SPIDR: variants seen among roughly 807,000 people sequenced by gnomAD.
The protein encoded by SPIDR is scaffold protein involved in DNA repair.
In SPIDR, 93 loss-of-function variants were observed where a neutral mutation model predicts 104.6. That is an observed-to-expected ratio of 0.89 (90% CI 0.75 to 1.06). The LOEUF is 1.06. Among genes scored for constraint, SPIDR ranks in the 50% least tolerant of loss-of-function variants. SPIDR has a pLI of 0.00. For synonymous variants in SPIDR, 431 were observed against 416.9 expected, an observed-to-expected ratio of 1.03 and a Z score of -0.41; for missense variants, 1,154 against 1,111.2, an observed-to-expected ratio of 1.04 and a Z score of -0.55.
At chr8:47,592,307 G>T in intron 8 of SPIDR, 1 of 1,099,630 alleles carries the variant, frequency 9.1e-7, no homozygotes, top group Non-Finnish European at 1.4e-6. Flanking sequence ...GTGCGGATCT[G>T]CAGTGCTGGG....
At chr8:47,277,187 C>T (rs2036608880) in intron 1 of SPIDR, 1 of 152,252 alleles carries the variant, frequency 6.6e-6, no homozygotes, top group African/African-American at 2.4e-5. Flanking sequence ...CTTGGCCTCC[C>T]AAAGTGCTGG....
intron 5 of SPIDR, among the ~76,000 whole-genome samples, chr8:47,391,563 G>A (rs1165953407): frequency 6.6e-6 from 1 of 151,834 alleles, no homozygotes; most frequent in Non-Finnish European, 1.5e-5. Context: ...AACAAACAAA[G>A]TAAATAATTA....
At chr8:47,674,248 T>C (rs1351590396) in intron 11 of SPIDR, among the ~76,000 whole-genome samples, 1 of 152,224 alleles carries the variant, frequency 6.6e-6, no homozygotes, top group Non-Finnish European at 1.5e-5. Flanking sequence ...ACTATAACAA[T>C]AAAGCATCTT....
intron 11 of SPIDR, among the ~76,000 whole-genome samples, chr8:47,675,366 G>A (rs2076293203): frequency 6.6e-6 from 1 of 152,132 alleles, no homozygotes; most frequent in Non-Finnish European, 1.5e-5. Flanking sequence ...ACTTCCTCTT[G>A]TTTGTAAACA....
chr8:47,328,411 CTAAT>C (rs2048069771), intron 5 of SPIDR, among the ~76,000 whole-genome samples: 2 of 150,678 alleles, frequency 1.3e-5, no homozygotes, highest in African/African-American at 4.9e-5. Context: ...CCAAGACTGG[CTAAT>C]TATTTTTTTT....
chr8:47,691,308 AAAGAG>A (rs1563557984), intron 11 of SPIDR, among the ~76,000 whole-genome samples: 7 of 151,174 alleles, frequency 4.6e-5, no homozygotes, highest in East Asian at 3.9e-4. Flanking sequence ...AAAAAAAAAA[AAAGAG>A]AGAAAAGAAA....
intron 8 of SPIDR, among the ~76,000 whole-genome samples, chr8:47,462,449 G>T (rs1564036999): frequency 6.6e-6 from 1 of 152,106 alleles, no homozygotes; most frequent in African/African-American, 2.4e-5. Context: ...GTCTGTCCGG[G>T]TGAGGGCTGC....
chr8:47,574,884 A>G (rs1022865120), intron 8 of SPIDR, among the ~76,000 whole-genome samples: 1 of 152,160 alleles, frequency 6.6e-6, no homozygotes, highest in Non-Finnish European at 1.5e-5. Flanking sequence ...AAAGTACACT[A>G]TTGGCTTTCT....
At chr8:47,264,748 A>G (rs2033509863) in intron 1 of SPIDR, among the ~76,000 whole-genome samples, 1 of 151,984 alleles carries the variant, frequency 6.6e-6, no homozygotes, top group East Asian at 1.9e-4. Flanking sequence ...GAATAGGGCA[A>G]TATACCTAAC....
At position 47,588,086 on chromosome 8, in the gene SPIDR, T is replaced by TATATATATAC. The variant is rs2060511904; in HGVS notation, c.1098-7724_1098-7723insTATATATACA. 6.0e-5 allele frequency among the ~76,000 whole-genome samples: 6 copies of TATATATATAC among 99,846 alleles called. 1 individual carries two copies. In the East Asian group the frequency reaches 9.7e-4, roughly 16 times the overall value. 65.5% of individuals were successfully genotyped at this position (99,846 alleles called of 152,430 possible). On this transcript the variant is annotated intron_variant, in intron 8 of 19. Transcript: ENST00000297423. ...ATATATATATATATATATATATATA[T>TATATATATAC]ACACGTATGTATCTGCAAACAAAAT...
chr8:47,508,703 T>C (rs1042526990), intron 8 of SPIDR, among the ~76,000 whole-genome samples: 1 of 136,716 alleles, frequency 7.3e-6, no homozygotes, highest in East Asian at 2.2e-4. Flanking sequence ...AGATCCCATC[T>C]GTAAACCCAG....
intron 5 of SPIDR, among the ~76,000 whole-genome samples, chr8:47,360,143 G>A (rs1172131873): frequency 6.7e-6 from 1 of 149,188 alleles, no homozygotes; most frequent in Non-Finnish European, 1.5e-5. Context: ...TCGGGAGGCT[G>A]AGGCAGGACA....
At chr8:47,717,278 C>A (rs2082719444) in intron 16 of SPIDR, among the ~76,000 whole-genome samples, 1 of 152,186 alleles carries the variant, frequency 6.6e-6, no homozygotes, top group Non-Finnish European at 1.5e-5. Context: ...CTTCTCCCAC[C>A]CCCTCAGCTC....
intron 8 of SPIDR, among the ~76,000 whole-genome samples, chr8:47,550,391 T>C (rs991839324): frequency 6.6e-6 from 1 of 152,140 alleles, no homozygotes; most frequent in African/African-American, 2.4e-5. Flanking sequence ...ATTCTTCCTA[T>C]CCATGAGCAT....
chr8:47,561,183 A>T (rs74847868), intron 8 of SPIDR, among the ~76,000 whole-genome samples: 1,697 of 152,336 alleles, frequency 0.011, 17 homozygotes, highest in Middle Eastern at 0.02. Context: ...TCCATGGCGC[A>T]TATGTTCAAG....
At chr8:47,412,037 A>G (rs1199214813) in intron 7 of SPIDR, among the ~76,000 whole-genome samples, 6 of 152,114 alleles carry the variant, frequency 3.9e-5, no homozygotes, top group African/African-American at 9.7e-5. Context: ...TACCAGTACC[A>G]TGGTGTTTTT....
intron 5 of SPIDR, among the ~76,000 whole-genome samples, chr8:47,351,052 T>G (rs1346923292): frequency 1.3e-5 from 2 of 152,242 alleles, no homozygotes. Flanking sequence ...GTAGCTGGTC[T>G]GTTATCAGAT....
chr8:47,651,010 C>A (rs965958865), intron 10 of SPIDR, among the ~76,000 whole-genome samples: 2 of 152,080 alleles, frequency 1.3e-5, no homozygotes, highest in Admixed American at 6.6e-5. Context: ...TAGAAGATAA[C>A]CCAGGAAAAA....
chr8:47,335,930 T>C (rs1554608765), intron 5 of SPIDR, among the ~76,000 whole-genome samples: 1 of 152,208 alleles, frequency 6.6e-6, no homozygotes, highest in Admixed American at 6.5e-5. Flanking sequence ...GCTTTTTTTT[T>C]TTTAATTCTG....
Sources: allele counts gnomAD v4.1 joint callset (sites outside exome capture counted in the v4.1 genomes callset), GRCh38; gene constraint gnomAD v4.1.1; transcripts MANE v1.5; gene names NCBI Gene and HGNC (gene_info 2026-07-23, HGNC 2026-07-21).